SERF2: variants seen among roughly 807,000 people sequenced by gnomAD.
The protein encoded by SERF2 is gastric cancer-related protein VRG107.
Under a neutral mutation model 10.7 loss-of-function variants are expected in SERF2, and 4 were observed. That is an observed-to-expected ratio of 0.37 (90% CI 0.18 to 0.86). The LOEUF (loss-of-function observed/expected upper bound fraction) is 0.86, where lower values mean the gene tolerates loss of function less well. SERF2 is among the 40% of genes least tolerant of loss of function. The pLI is 0.43. For missense variants in SERF2, 47 were observed against 79.1 expected (o/e 0.59, Z 1.54); for synonymous variants, 26 against 26.0 (o/e 1.00, Z 0.01).
At chr15:43,783,065 T>C (rs1002585799) in intron 1 of SERF2, among the ~76,000 whole-genome samples, 4 of 147,400 alleles carry the variant, frequency 2.7e-5, no homozygotes, top group Admixed American at 6.9e-5. Flanking sequence ...TGTAGTGCAG[T>C]GGCACAATTT....
At chr15:43,792,126 T>C (rs1158529547), upstream of SERF2, 2 of 438,266 alleles carry the variant, frequency 4.6e-6, no homozygotes, top group East Asian at 5.1e-5. Context: ...GGCCCGTCCC[T>C]ACGTCTCACT....
In SERF2 at chr15:43,784,980, T is replaced by G. The variant is rs147694194; in HGVS notation, c.-526-430T>G. ...GTTGGCCAGGCTGGTCTTGAACTCA[T>G]GACCTCAGGTGATCCGCTCACATCA... On this transcript the variant is annotated intron_variant, in intron 1 of 4. Transcript: ENST00000381359. Among the ~76,000 whole-genome samples the G allele has an allele frequency of 1.2e-3, 155 of 133,084 alleles. 7 individuals carry two copies. The East Asian group carries it at 0.031, about 26-fold the overall frequency. The allele number at this position is 133,084 out of a possible 152,430, so 87.3% of individuals were successfully genotyped here. A position where few individuals can be genotyped will look rare whatever the true frequency, so the allele number is the denominator to read the frequency against.
At position 43,786,962 on chromosome 15, in the gene SERF2, A is replaced by C. The variant is rs1017173439; in HGVS notation, c.-402+1428A>C. Among the ~76,000 whole-genome samples, 3 of 151,976 alleles carry C rather than the reference A, an allele frequency of 2.0e-5. No individual in the cohort carries two copies. In the East Asian group the frequency reaches 5.8e-4, roughly 29 times the overall value. On this transcript the variant is annotated intron_variant, in intron 2 of 4. Coordinates refer to the SERF2 transcript ENST00000381359. Reference sequence around the variant, plus strand: ...CTGAACCAATAACTGTTACCAGGTGAATACCACAAAATAATCTGCTTAGGC... The same window carrying C: ...CTGAACCAATAACTGTTACCAGGTGCATACCACAAAATAATCTGCTTAGGC...
intron 2 of SERF2, among the ~76,000 whole-genome samples, chr15:43,785,753 T>C (rs2087001740): frequency 6.8e-6 from 1 of 147,522 alleles, no homozygotes; most frequent in Admixed American, 6.9e-5. Context: ...TCACCCAGGC[T>C]AGAGTTCAGT....
upstream of SERF2, among the ~76,000 whole-genome samples, chr15:43,790,091 G>A (rs934489439): frequency 2.7e-5 from 4 of 147,076 alleles, no homozygotes; most frequent in East Asian, 4.0e-4. Flanking sequence ...GCAGTGAGCC[G>A]AAATCGCACC....
Position 43,792,398 on chromosome 15 carries a change from C to A in SERF2, c.7+15C>A. On this transcript the variant is annotated intron_variant, in intron 1 of 2. Transcript: ENST00000249786. ...CGCCATGACCCGTGAGCACCGAGCC[C>A]CCTTCTCCTTGCCCTTTTCTTTCCG... is the stretch of plus-strand genomic sequence containing the variant. 6 of 1,613,920 alleles carry A rather than the reference C, an allele frequency of 3.7e-6. No homozygotes were observed. The highest frequency in any genetic ancestry group is 5.1e-6 in the Non-Finnish European group (6 of 1,179,816).
Position 43,795,600 on chromosome 15 carries a change from C to G in SERF2, c.*1827C>G. On this transcript the variant is annotated 3_prime_UTR_variant, in exon 3 of 3. Coordinates refer to ENST00000249786, the MANE Select transcript of SERF2 (RefSeq NM_001018108.4). ...TGCTGAAACACCTCTTCCCCTCTCC[C>G]CCAACTACCTTTGTTAAGGCTCTTG... The G allele has an allele frequency of 6.2e-7, 1 of 1,611,984 alleles. No homozygotes were observed. Among genetic ancestry groups the G allele is most frequent in the Non-Finnish European group, 8.5e-7 (1 of 1,178,248 alleles).
At chr15:43,782,078 G>C (rs942214653) in intron 1 of SERF2, among the ~76,000 whole-genome samples, 1 of 151,860 alleles carries the variant, frequency 6.6e-6, no homozygotes, top group South Asian at 2.1e-4. Context: ...TAGTAGAGAT[G>C]GGGTTTCACC....
chr15:43,795,595 T>G lies in SERF2; in HGVS notation c.*1822T>G, dbSNP rs897058178. 1 of 1,611,710 alleles carries G rather than the reference T, an allele frequency of 6.2e-7. No individual in the cohort carries two copies. Among genetic ancestry groups the G allele is most frequent in the African/African-American group, 1.3e-5 (1 of 74,834 alleles). ...AGAGCTGCTGAAACACCTCTTCCCCTCTCCCCCAACTACCTTTGTTAAGGC... is the reference window on the plus strand; with the variant it reads ...AGAGCTGCTGAAACACCTCTTCCCCGCTCCCCCAACTACCTTTGTTAAGGC... On this transcript the variant is annotated 3_prime_UTR_variant, in exon 3 of 3. Transcript: ENST00000249786.
chr15:43,780,488 C>T (rs1395184891), intron 1 of SERF2, among the ~76,000 whole-genome samples: 1 of 152,138 alleles, frequency 6.6e-6, no homozygotes, highest in African/African-American at 2.4e-5. Flanking sequence ...TAAGTATCGC[C>T]TATCCTATCG....
At chr15:43,777,271 T>C in exon 1 of SERF2, 1 of 435,084 alleles carries the variant, frequency 2.3e-6, no homozygotes. Context: ...AATTTGGAGT[T>C]GCTGTCTCTA....
At position 43,795,378 on chromosome 15, in the gene SERF2, T is replaced by A. The variant is rs1567170445; in HGVS notation, c.*1605T>A. ...CTTCAGGAGAGTATCTAAGGCCCAC[T>A]CCATCTTACCTGAACCAGTTGGTAA... is the stretch of plus-strand genomic sequence containing the variant. On this transcript the variant is annotated 3_prime_UTR_variant, in exon 3 of 3. Transcript: ENST00000249786. 1 of 1,614,122 alleles carries A rather than the reference T, an allele frequency of 6.2e-7. No individual in the cohort carries two copies. The highest frequency in any genetic ancestry group is 1.1e-5 in the South Asian group (1 of 91,084).
chr15:43,777,201 C>A, exon 1 of SERF2: 2 of 578,794 alleles, frequency 3.5e-6, no homozygotes, highest in Non-Finnish European at 6.7e-6. Flanking sequence ...GAGTCCGCGA[C>A]CAGCGTCTGA....
chr15:43,786,996 G>GTTTTTTTTTTTTTT (rs1477836320), intron 2 of SERF2, among the ~76,000 whole-genome samples: 2 of 87,206 alleles, frequency 2.3e-5, no homozygotes, highest in African/African-American at 3.7e-5. Flanking sequence ...GCCTGGGTTC[G>GTTTTTTTTTTTTTT]TTTTTTTGTT....
chr15:43,783,845 T>C (rs2141669561), intron 1 of SERF2, among the ~76,000 whole-genome samples: 1 of 145,504 alleles, frequency 6.9e-6, no homozygotes, highest in Non-Finnish European at 1.5e-5. Flanking sequence ...CACTGAAACC[T>C]CCACCTCTGG....
chr15:43,785,830 C>T, intron 2 of SERF2, among the ~76,000 whole-genome samples: 1 of 151,400 alleles, frequency 6.6e-6, no homozygotes, highest in Non-Finnish European at 1.5e-5. Context: ...CTCAGCCTCC[C>T]AAGTAGCTGG....
upstream of SERF2, chr15:43,792,095 T>G: frequency 1.6e-5 from 8 of 503,452 alleles, no homozygotes; most frequent in Admixed American, 9.7e-5. Flanking sequence ...CCTGCCCACG[T>G]GACCCGGCCT....
chr15:43,781,728 C>T (rs542078372), intron 1 of SERF2, among the ~76,000 whole-genome samples: 2 of 151,310 alleles, frequency 1.3e-5, no homozygotes, highest in South Asian at 4.2e-4. Context: ...GGACTATAGG[C>T]ATGCCACCAT....
At chr15:43,792,760 T>C (rs923016989) in intron 1 of SERF2, 40 of 726,748 alleles carry the variant, frequency 5.5e-5, no homozygotes, top group Non-Finnish European at 8.1e-5. Flanking sequence ...AGCTGGCCCC[T>C]TGGGACCTCC....
Sources: allele counts gnomAD v4.1 joint callset (sites outside exome capture counted in the v4.1 genomes callset), GRCh38; gene constraint gnomAD v4.1.1; transcripts MANE v1.5; gene names NCBI Gene and HGNC (gene_info 2026-07-23, HGNC 2026-07-21).